PPP4R2: variants seen among roughly 807,000 people sequenced by gnomAD.
PPP4R2 encodes protein phosphatase 4 regulatory subunit 2.
A neutral mutation model predicts 47.2 loss-of-function variants in PPP4R2; 13 were observed. That is an observed-to-expected ratio of 0.28 (90% CI 0.18 to 0.44). The LOEUF (loss-of-function observed/expected upper bound fraction) is 0.44, where lower values mean the gene tolerates loss of function less well. Among genes scored for constraint, PPP4R2 ranks in the 20% least tolerant of loss-of-function variants. The pLI is 1.00. For synonymous variants in PPP4R2, 151 were observed against 163.3 expected (o/e 0.92, Z 0.57); for missense variants, 421 against 491.2 (o/e 0.86, Z 1.35).
intron 4 of PPP4R2, 48 bp from the exon 5 acceptor site, chr3:73,060,975 G>A (rs1420800723): frequency 7.5e-7 from 1 of 1,340,210 alleles, no homozygotes; most frequent in Non-Finnish European, 1.0e-6. Flanking sequence ...GAAACTTTAT[G>A]TTGTAGTACT....
intron 2 of PPP4R2, among the ~76,000 whole-genome samples, chr3:73,044,248 G>T (rs1010849567): frequency 5.5e-5 from 8 of 146,426 alleles, no homozygotes; most frequent in Non-Finnish European, 9.1e-5. Flanking sequence ...GTTGTTTTTG[G>T]AGCAACCAAA....
At chr3:73,031,485 T>C (rs1200082543) in intron 2 of PPP4R2, among the ~76,000 whole-genome samples, 1 of 152,060 alleles carries the variant, frequency 6.6e-6, no homozygotes, top group Non-Finnish European at 1.5e-5. Flanking sequence ...GAGGTTGTAG[T>C]GAGCCGAGAT....
chr3:73,003,945 C>G (rs1701539131), intron 2 of PPP4R2, among the ~76,000 whole-genome samples: 1 of 152,204 alleles, frequency 6.6e-6, no homozygotes. Flanking sequence ...GGTGATCTGC[C>G]TGTCTTGGCC....
Position 73,059,075 on chromosome 3 carries a change from C to T in PPP4R2, c.326C>T (p.Thr109Ile), listed in dbSNP as rs749899679. The change falls in exon 4 of 9, where the codon ACA becomes ATA. Residue 109 changes from threonine to isoleucine, a missense_variant. By Grantham distance (89) the Thr-to-Ile change is moderately conservative. Transcript: ENST00000356692. ...FTIQRLCELLTDPRRNYTGTD... is the reference protein window; with the variant it reads ...FTIQRLCELLIDPRRNYTGTD... ...ATTCAGCGACTATGTGAATTGTTAA[C>T]AGATCCAAGGAGAAACTATACAGGA... The T allele has an allele frequency of 8.2e-6, 13 of 1,594,608 alleles. No homozygotes were observed. The East Asian group carries it at 2.5e-4, about 30-fold the overall frequency.
At chr3:73,043,790 T>G (rs7614412) in intron 2 of PPP4R2, among the ~76,000 whole-genome samples, 86,660 of 151,978 alleles carry the variant, frequency 0.57, 25,644 homozygotes, top group African/African-American at 0.74. Context: ...TTTAACTATT[T>G]GAAGTGTACA....
At chr3:73,039,733 T>C (rs1039698319) in intron 2 of PPP4R2, among the ~76,000 whole-genome samples, 4 of 152,142 alleles carry the variant, frequency 2.6e-5, no homozygotes, top group African/African-American at 9.7e-5. Flanking sequence ...CATCCTCCTG[T>C]GACAAAGAAT....
chr3:73,060,332 T>G (rs1489990512), intron 4 of PPP4R2, among the ~76,000 whole-genome samples: 1 of 152,208 alleles, frequency 6.6e-6, no homozygotes, highest in Non-Finnish European at 1.5e-5. Context: ...AATTACATTT[T>G]GGAGATTTTC....
chr3:73,016,312 G>A lies in PPP4R2; in HGVS notation c.116+18154G>A, dbSNP rs537794895. Among the ~76,000 whole-genome samples the A allele has an allele frequency of 1.9e-3, 288 of 152,006 alleles. 1 individual carries two copies. Among genetic ancestry groups the A allele is most frequent in the African/African-American group, 6.8e-3 (284 of 41,476 alleles). On this transcript the variant is annotated intron_variant, in intron 2 of 8. Coordinates refer to ENST00000356692, the MANE Select transcript of PPP4R2 (RefSeq NM_174907.4). ...GCCTTATAGCAGTGGTTCTAAACCA[G>A]GGCTGACAATGTCTAGAGATGTTTT...
intron 1 of PPP4R2, among the ~76,000 whole-genome samples, chr3:72,997,710 T>C (rs893865364): frequency 6.6e-6 from 1 of 152,174 alleles, no homozygotes; most frequent in Non-Finnish European, 1.5e-5. Flanking sequence ...TGGTGCTTCT[T>C]AGAAAGGCAG....
intron 2 of PPP4R2, among the ~76,000 whole-genome samples, chr3:73,016,320 AATGTCTAGAG>A (rs1408510599): frequency 5.9e-5 from 9 of 151,858 alleles, no homozygotes; most frequent in African/African-American, 7.3e-5. Context: ...CAGGGCTGAC[AATGTCTAGAG>A]ATGTTTTTGG....
intron 2 of PPP4R2, among the ~76,000 whole-genome samples, chr3:73,012,208 A>G (rs1026970109): frequency 6.6e-6 from 1 of 152,212 alleles, no homozygotes; most frequent in African/African-American, 2.4e-5. Flanking sequence ...ATACAATATA[A>G]ATGATACGTA....
chr3:73,050,070 A>T (rs571357304), intron 3 of PPP4R2, among the ~76,000 whole-genome samples: 5 of 152,180 alleles, frequency 3.3e-5, no homozygotes, highest in Non-Finnish European at 7.4e-5. Context: ...CCTCTCGAGT[A>T]GCTGGCATTA....
In PPP4R2 at chr3:73,067,534, A is replaced by G. The variant is rs571600477; in HGVS notation, c.*1812A>G. ...ATTGATTTACTATACCCAAGAGGGG[A>G]GAAAAATTAACCATTGTAAATTTTT... On this transcript the variant is annotated 3_prime_UTR_variant, in exon 9 of 9. Transcript: ENST00000356692. 1 of 152,306 alleles carries G rather than the reference A, an allele frequency of 6.6e-6. No homozygotes were observed. Among genetic ancestry groups the G allele is most frequent in the East Asian group, 1.9e-4 (1 of 5,192 alleles). The allele number at this position is 152,306 out of a possible 1,614,324, so 9.4% of individuals were successfully genotyped here. A position where few individuals can be genotyped will look rare whatever the true frequency, so the allele number is the denominator to read the frequency against.
rs564420127 is a variant in PPP4R2 at position 73,029,527 on chromosome 3, TTGTC to T, written c.117-17656_117-17653del. Among the ~76,000 whole-genome samples the T allele has an allele frequency of 4.2e-3, 643 of 152,132 alleles. 6 individuals carry two copies. The highest frequency in any genetic ancestry group is 0.014 in the African/African-American group (577 of 41,482). ...AAGGAGTCAGTAGTGACTCAGGAGT[TTGTC>T]TGAGCATCCGAAGTGTGGAATTTCA... On this transcript the variant is annotated intron_variant, in intron 2 of 8. Transcript: ENST00000356692.
intron 3 of PPP4R2, among the ~76,000 whole-genome samples, chr3:73,054,234 AT>A (rs1351015684): frequency 2.0e-5 from 3 of 152,218 alleles, no homozygotes; most frequent in Non-Finnish European, 4.4e-5. Flanking sequence ...GCCTCTTTTA[AT>A]AATGATAAGG....
chr3:73,017,054 T>C (rs1436096032), intron 2 of PPP4R2, among the ~76,000 whole-genome samples: 1 of 152,224 alleles, frequency 6.6e-6, no homozygotes, highest in Admixed American at 6.5e-5. Context: ...CCTGAACTCC[T>C]GAGCTCAAGT....
intron 2 of PPP4R2, among the ~76,000 whole-genome samples, chr3:73,008,160 A>C (rs749490448): frequency 7.2e-5 from 11 of 151,952 alleles, no homozygotes; most frequent in Non-Finnish European, 1.3e-4. Context: ...CAATCTATAA[A>C]TACTAAAATT....
At chr3:73,020,008 G>T (rs1465984680) in intron 2 of PPP4R2, among the ~76,000 whole-genome samples, 1 of 152,080 alleles carries the variant, frequency 6.6e-6, no homozygotes, top group Non-Finnish European at 1.5e-5. Context: ...ATTTCCTTCT[G>T]CATCATATGT....
chr3:73,057,632 A>G (rs1414324107), intron 3 of PPP4R2, among the ~76,000 whole-genome samples: 2 of 152,178 alleles, frequency 1.3e-5, no homozygotes, highest in African/African-American at 4.8e-5. Context: ...TATGAATAAC[A>G]TGCACTTTAA....
Sources: allele counts gnomAD v4.1 joint callset (sites outside exome capture counted in the v4.1 genomes callset), GRCh38; gene constraint gnomAD v4.1.1; transcripts MANE v1.5; gene names NCBI Gene and HGNC (gene_info 2026-07-23, HGNC 2026-07-21).